CTNNA2: variants seen among roughly 807,000 people sequenced by gnomAD.
The protein encoded by CTNNA2 is catenin alpha-2.
CTNNA2 carries 42 observed loss-of-function variants against 101.0 expected under a neutral mutation model. That is an observed-to-expected ratio of 0.42 (90% confidence interval 0.32 to 0.54). CTNNA2 has a LOEUF of 0.54. Ranked by LOEUF, CTNNA2 falls within the 20% of genes least tolerant of loss-of-function variation. The pLI is 0.14. For synonymous variants in CTNNA2, 450 were observed against 456.4 expected, an observed-to-expected ratio of 0.99 and a Z score of 0.18; for missense variants, 871 against 1,223.1, an observed-to-expected ratio of 0.71 and a Z score of 4.29.
intron 9 of CTNNA2, among the ~76,000 whole-genome samples, chr2:80,542,908 G>A (rs915959329): frequency 2.5e-4 from 38 of 152,138 alleles, no homozygotes; most frequent in African/African-American, 8.9e-4. Flanking sequence ...TTGGACAGGG[G>A]AAGCTGCATT....
intron 9 of CTNNA2, among the ~76,000 whole-genome samples, chr2:80,509,266 G>A (rs955027014): frequency 6.6e-6 from 1 of 152,190 alleles, no homozygotes; most frequent in African/African-American, 2.4e-5. Flanking sequence ...GTGATTTGCT[G>A]CATGTTGCTT....
intron 7 of CTNNA2, among the ~76,000 whole-genome samples, chr2:80,006,538 T>C (rs1693364365): frequency 6.6e-6 from 1 of 152,096 alleles, no homozygotes; most frequent in South Asian, 2.1e-4. Flanking sequence ...CAGGCTGGTC[T>C]CGAACTCCTG....
At chr2:79,401,430 AT>A (rs1319504786) in intron 4 of CTNNA2, among the ~76,000 whole-genome samples, 1 of 151,778 alleles carries the variant, frequency 6.6e-6, no homozygotes, top group Non-Finnish European at 1.5e-5. Flanking sequence ...CTTATAATGC[AT>A]AAAGATGTAT....
At chr2:80,267,545 C>A (rs879467934) in intron 7 of CTNNA2, among the ~76,000 whole-genome samples, 1 of 152,094 alleles carries the variant, frequency 6.6e-6, no homozygotes, top group Admixed American at 6.5e-5. Context: ...AGCTTCCAGT[C>A]TGGGAGGGAA....
At chr2:79,664,487 C>T (rs1682255319) in intron 2 of CTNNA2, among the ~76,000 whole-genome samples, 1 of 151,966 alleles carries the variant, frequency 6.6e-6, no homozygotes, top group Admixed American at 6.6e-5. Flanking sequence ...ATAAATCTTC[C>T]CTTGACTACC....
At chr2:79,321,918 G>C (rs1005569667) in intron 3 of CTNNA2, among the ~76,000 whole-genome samples, 1 of 152,022 alleles carries the variant, frequency 6.6e-6, no homozygotes, top group Non-Finnish European at 1.5e-5. Context: ...AAACCACAAG[G>C]CTTTAAACAG....
chr2:80,528,221 A>G (rs762904529), intron 9 of CTNNA2, among the ~76,000 whole-genome samples: 4 of 152,108 alleles, frequency 2.6e-5, no homozygotes, highest in Non-Finnish European at 5.9e-5. Flanking sequence ...TTTGAGATGG[A>G]GTCTCGCTCA....
At chr2:80,469,455 G>C (rs539972089) in intron 9 of CTNNA2, among the ~76,000 whole-genome samples, 1 of 152,198 alleles carries the variant, frequency 6.6e-6, no homozygotes, top group African/African-American at 2.4e-5. Context: ...AGATATTACG[G>C]AGTTTACTGA....
intron 3 of CTNNA2, among the ~76,000 whole-genome samples, chr2:79,820,018 T>G (rs182338082): frequency 1.7e-4 from 26 of 152,268 alleles, no homozygotes; most frequent in Non-Finnish European, 1.3e-4. Flanking sequence ...GTTCATCGTC[T>G]AGTTGGTTTA....
At chr2:80,394,653 A>G (rs1442179822) in intron 8 of CTNNA2, among the ~76,000 whole-genome samples, 3 of 152,146 alleles carry the variant, frequency 2.0e-5, no homozygotes, top group African/African-American at 7.2e-5. Flanking sequence ...GCTGAATTAG[A>G]TATCAGAGCC....
At chr2:79,215,852 G>GA (rs1185567462) in intron 2 of CTNNA2, among the ~76,000 whole-genome samples, 3 of 152,046 alleles carry the variant, frequency 2.0e-5, no homozygotes, top group African/African-American at 7.2e-5. Context: ...TGGAGGAGCA[G>GA]AGGCTGAGGA....
chr2:79,214,037 T>TATG (rs1459729335), intron 2 of CTNNA2, among the ~76,000 whole-genome samples: 1 of 152,154 alleles, frequency 6.6e-6, no homozygotes, highest in East Asian at 1.9e-4. Context: ...CCGCACTAAC[T>TATG]ATGCCTAGGA....
At chr2:79,454,997 A>G (rs1289776499) in intron 4 of CTNNA2, among the ~76,000 whole-genome samples, 1 of 152,210 alleles carries the variant, frequency 6.6e-6, no homozygotes, top group Non-Finnish European at 1.5e-5. Context: ...GACTTAACAC[A>G]GTGCCTCAAT....
intron 7 of CTNNA2, among the ~76,000 whole-genome samples, chr2:80,240,425 C>A (rs1424470554): frequency 2.0e-5 from 3 of 152,208 alleles, no homozygotes. Context: ...GCTTGCTATT[C>A]CTGCCTCCAG....
At chr2:79,258,871 A>T (rs12994504) in intron 2 of CTNNA2, among the ~76,000 whole-genome samples, 6 of 146,938 alleles carry the variant, frequency 4.1e-5, no homozygotes, top group Admixed American at 6.7e-5. Flanking sequence ...AAAAAAAAAA[A>T]GGCAAACGAA....
At chr2:79,782,837 A>G (rs1000984732) in intron 3 of CTNNA2, among the ~76,000 whole-genome samples, 1 of 152,174 alleles carries the variant, frequency 6.6e-6, no homozygotes, top group Non-Finnish European at 1.5e-5. Context: ...TCCAAAAAAA[A>G]GGGAAGAAAT....
At chr2:80,116,581 C>T (rs577235224) in intron 7 of CTNNA2, among the ~76,000 whole-genome samples, 1 of 152,142 alleles carries the variant, frequency 6.6e-6, no homozygotes, top group Admixed American at 6.5e-5. Flanking sequence ...AAGCTGCTGA[C>T]ATGGTCTAGA....
chr2:79,401,701 A>T (rs1042093507), intron 4 of CTNNA2, among the ~76,000 whole-genome samples: 1 of 151,728 alleles, frequency 6.6e-6, no homozygotes, highest in Non-Finnish European at 1.5e-5. Flanking sequence ...AAAACTAAAA[A>T]AAACCCAGAT....
intron 7 of CTNNA2, among the ~76,000 whole-genome samples, chr2:79,991,514 AGTT>A (rs1442159908): frequency 2.0e-5 from 3 of 152,204 alleles, no homozygotes; most frequent in Non-Finnish European, 2.9e-5. Flanking sequence ...CAGCTCGCAG[AGTT>A]GTTGTGAATT....
Sources: allele counts gnomAD v4.1 joint callset (sites outside exome capture counted in the v4.1 genomes callset), GRCh38; gene constraint gnomAD v4.1.1; transcripts MANE v1.5; gene names NCBI Gene and HGNC (gene_info 2026-07-23, HGNC 2026-07-21).